TIMP3: variants seen among roughly 807,000 people sequenced by gnomAD.
TIMP3 encodes the protein metalloproteinase inhibitor 3.
Under a neutral mutation model 30.0 loss-of-function variants are expected in TIMP3, and 11 were observed. The observed-to-expected ratio is 0.37, with a 90% CI of 0.23 to 0.61. The LOEUF is 0.61. Ranked by LOEUF, TIMP3 falls within the 20% of genes least tolerant of loss-of-function variation. The pLI is 0.70. For missense variants in TIMP3, 181 were observed against 276.8 expected (o/e 0.65, Z 2.45); for synonymous variants, 112 against 111.3 (o/e 1.01, Z -0.04).
chr22:32,846,966 G>A (rs1265313029), intron 1 of TIMP3, among the ~76,000 whole-genome samples: 3 of 152,232 alleles, frequency 2.0e-5, no homozygotes, highest in Admixed American at 2.0e-4. Flanking sequence ...GCTTCCAGCA[G>A]TACTCAGCTT....
intron 1 of TIMP3, among the ~76,000 whole-genome samples, chr22:32,817,231 T>A (rs940386126): frequency 2.0e-5 from 3 of 147,712 alleles, no homozygotes; most frequent in East Asian, 4.0e-4. Flanking sequence ...AAAAAAAAAA[T>A]GTTATTTGGG....
At chr22:32,817,374 G>C (rs2047115485) in intron 1 of TIMP3, among the ~76,000 whole-genome samples, 1 of 152,186 alleles carries the variant, frequency 6.6e-6, no homozygotes, top group Non-Finnish European at 1.5e-5. Flanking sequence ...ATCTAGCCAA[G>C]GAACTAATTT....
chr22:32,804,012 T>C (rs1374231782), intron 1 of TIMP3, among the ~76,000 whole-genome samples: 4 of 152,228 alleles, frequency 2.6e-5, no homozygotes, highest in Admixed American at 2.0e-4. Flanking sequence ...GCGGTGGGTC[T>C]GAGCAATGCA....
At chr22:32,848,076 G>T (rs2048119287) in intron 1 of TIMP3, among the ~76,000 whole-genome samples, 1 of 152,162 alleles carries the variant, frequency 6.6e-6, no homozygotes, top group Non-Finnish European at 1.5e-5. Flanking sequence ...TCCTCCATGT[G>T]CCAATTTTAC....
intron 1 of TIMP3, among the ~76,000 whole-genome samples, chr22:32,805,185 T>C (rs1372615536): frequency 6.6e-6 from 1 of 152,026 alleles, no homozygotes; most frequent in Non-Finnish European, 1.5e-5. Context: ...TAGGATGAAG[T>C]GTGTTCGGGG....
intron 2 of TIMP3, among the ~76,000 whole-genome samples, chr22:32,856,853 C>A (rs1428590332): frequency 2.6e-5 from 4 of 152,218 alleles, no homozygotes; most frequent in Non-Finnish European, 5.9e-5. Flanking sequence ...CACCAATCCA[C>A]TGTCCATCTT....
At chr22:32,827,825 C>T (rs1348917002) in intron 1 of TIMP3, among the ~76,000 whole-genome samples, 1 of 152,150 alleles carries the variant, frequency 6.6e-6, no homozygotes, top group Non-Finnish European at 1.5e-5. Flanking sequence ...CCAAGTTTGT[C>T]ACTGTCTCTT....
intron 1 of TIMP3, among the ~76,000 whole-genome samples, chr22:32,830,082 G>A (rs1258764420): frequency 2.0e-5 from 3 of 152,184 alleles, no homozygotes; most frequent in Non-Finnish European, 4.4e-5. Flanking sequence ...ATTTCAGGAG[G>A]AGGAAGGTTG....
intron 1 of TIMP3, among the ~76,000 whole-genome samples, chr22:32,831,345 T>A (rs999936581): frequency 3.9e-5 from 6 of 152,138 alleles, no homozygotes; most frequent in Admixed American, 6.5e-5. Flanking sequence ...AGAGGTGAAT[T>A]GTTTAAAGTT....
intron 1 of TIMP3, among the ~76,000 whole-genome samples, chr22:32,829,532 G>A (rs1347316650): frequency 6.6e-6 from 1 of 152,220 alleles, no homozygotes; most frequent in Non-Finnish European, 1.5e-5. Flanking sequence ...CATCCCCACC[G>A]CAGCAGGGCT....
intron 1 of TIMP3, among the ~76,000 whole-genome samples, chr22:32,803,498 C>A (rs938479116): frequency 2.0e-5 from 3 of 152,112 alleles, no homozygotes; most frequent in African/African-American, 7.2e-5. Context: ...TTGTAAGAGG[C>A]TCCCTGGGGC....
Position 32,820,380 on chromosome 22 carries a change from T to TG in TIMP3, c.121+18259dup, listed in dbSNP as rs1307022878. ...TGTGTGTGTGTGTGTGTGTGTGTGG[T>TG]GTGTTCTACTCCGTGTGTGTGTCAT... On this transcript the variant is annotated intron_variant, in intron 1 of 4. Coordinates refer to ENST00000266085, the MANE Select transcript of TIMP3 (RefSeq NM_000362.5). 3.7e-5 allele frequency among the ~76,000 whole-genome samples: 5 copies of TG among 136,100 alleles called. No homozygotes were observed. The East Asian group carries it at 1.2e-3, about 32-fold the overall frequency. The allele number at this position is 136,100 out of a possible 152,430, so 89.3% of individuals were successfully genotyped here.
Position 32,837,380 on chromosome 22 carries a change from G to A in TIMP3, c.122-12072G>A, listed in dbSNP as rs187517944. Among the ~76,000 whole-genome samples the A allele has an allele frequency of 4.6e-3, 670 of 146,900 alleles. 5 individuals carry two copies. The highest frequency in any genetic ancestry group is 0.014 in the African/African-American group (542 of 37,918). On this transcript the variant is annotated intron_variant, in intron 1 of 4. Coordinates refer to ENST00000266085, the MANE Select transcript of TIMP3 (RefSeq NM_000362.5). The surrounding 1 kb of genome is among the most constrained non-coding windows in gnomAD (Gnocchi z 4.1). ...CTTGCATGGCAGTAAGCAAGTCGGC[G>A]CCTCTGACCCCTGAGTGGGCTTGAG...
chr22:32,805,078 T>C (rs540741306), intron 1 of TIMP3, among the ~76,000 whole-genome samples: 14 of 152,198 alleles, frequency 9.2e-5, no homozygotes, highest in African/African-American at 3.4e-4. Context: ...CTGGCAGGGC[T>C]GAGGGGGGTT....
chr22:32,819,093 AG>A, intron 1 of TIMP3, among the ~76,000 whole-genome samples: 1 of 152,366 alleles, frequency 6.6e-6, no homozygotes, highest in Admixed American at 6.5e-5. Flanking sequence ...CCACTTGGCC[AG>A]GGGGTCACAG....
chr22:32,807,407 T>A (rs1302823279), intron 1 of TIMP3, among the ~76,000 whole-genome samples: 6 of 120,458 alleles, frequency 5.0e-5, no homozygotes, highest in African/African-American at 1.9e-4. Context: ...ATATATATAT[T>A]ATATTTACAT....
At chr22:32,856,854 T>C (rs966957428) in intron 2 of TIMP3, among the ~76,000 whole-genome samples, 3 of 152,212 alleles carry the variant, frequency 2.0e-5, no homozygotes, top group Non-Finnish European at 4.4e-5. Flanking sequence ...ACCAATCCAC[T>C]GTCCATCTTT....
intron 2 of TIMP3, among the ~76,000 whole-genome samples, chr22:32,852,604 G>A (rs1186509486): frequency 6.6e-6 from 1 of 152,160 alleles, no homozygotes; most frequent in Non-Finnish European, 1.5e-5. Flanking sequence ...TGGAGAACCT[G>A]AGACTCCGAG....
intron 1 of TIMP3, among the ~76,000 whole-genome samples, chr22:32,840,146 CTT>C (rs2047851594): frequency 6.6e-6 from 1 of 152,142 alleles, no homozygotes; most frequent in African/African-American, 2.4e-5. Context: ...GAGATGGAAA[CTT>C]GGGTTGAAAT....
Sources: gnomAD v4.1 joint callset for allele counts (sites outside exome capture counted in the v4.1 genomes callset) on GRCh38, gnomAD v4.1.1 for gene constraint, Gnocchi (gnomAD v3.1) non-coding constraint, MANE v1.5 for transcripts, NCBI Gene and HGNC (gene_info 2026-07-23, HGNC 2026-07-21) for gene names.